MDH1: variants seen among roughly 807,000 people sequenced by gnomAD.
The protein encoded by MDH1 is malate dehydrogenase, cytoplasmic.
In MDH1, 15 loss-of-function variants were observed where a neutral mutation model predicts 38.7. That is an observed-to-expected ratio of 0.39 (90% CI 0.26 to 0.60). MDH1 has a LOEUF of 0.60. Among genes scored for constraint, MDH1 ranks in the 20% least tolerant of loss-of-function variants. MDH1 has a pLI of 0.56. For synonymous variants in MDH1, 144 were observed against 143.6 expected (o/e 1.00, Z -0.02); for missense variants, 368 against 405.2 (o/e 0.91, Z 0.79).
At chr2:63,589,185 C>G (rs1300673838) in intron 1 of MDH1, 139 bp downstream of exon 1, 16 of 1,604,232 alleles carry the variant, frequency 1.0e-5, no homozygotes, top group Non-Finnish European at 1.4e-5. Flanking sequence ...GACTCATCTT[C>G]TGGGGATTGC....
chr2:63,596,190 T>C (rs527355018), intron 3 of MDH1, among the ~76,000 whole-genome samples: 1 of 152,352 alleles, frequency 6.6e-6, no homozygotes, highest in African/African-American at 2.4e-5. Context: ...TCTTCAGCTA[T>C]TTCTTCATCA....
intron 8 of MDH1, 64 bp downstream of exon 8, chr2:63,606,092 G>A: frequency 7.0e-7 from 1 of 1,436,470 alleles, no homozygotes; most frequent in Non-Finnish European, 9.8e-7. Flanking sequence ...CTTAAGAATG[G>A]TATTATTGGC....
At chr2:63,605,858 T>C in intron 7 of MDH1, 81 bp from the exon 8 acceptor site, 5 of 1,122,836 alleles carry the variant, frequency 4.5e-6, no homozygotes, top group Middle Eastern at 3.9e-4. Context: ...TAAGAAAGGG[T>C]CACCTGGTTT....
intron 5 of MDH1, among the ~76,000 whole-genome samples, chr2:63,604,138 G>A (rs1318510737): frequency 6.6e-6 from 1 of 152,084 alleles, no homozygotes; most frequent in Non-Finnish European, 1.5e-5. Flanking sequence ...CTTTCCTTCA[G>A]TTTCCTGATA....
intron 6 of MDH1, 68 bp from the exon 7 acceptor site, chr2:63,605,212 T>G (rs1709503511): frequency 1.9e-6 from 2 of 1,058,886 alleles, no homozygotes; most frequent in Admixed American, 3.9e-5. Flanking sequence ...CAAGGTCGAC[T>G]TGGAATTAAT....
In MDH1 at chr2:63,594,029, G is replaced by A. The variant is rs561756672; in HGVS notation, c.4-459G>A. Among the ~76,000 whole-genome samples the A allele has an allele frequency of 5.3e-5, 8 of 152,266 alleles. No individual in the cohort carries two copies. The South Asian group carries it at 6.2e-4, about 12-fold the overall frequency. On this transcript the variant is annotated intron_variant, in intron 1 of 8. Coordinates refer to ENST00000233114, the MANE Select transcript of MDH1 (RefSeq NM_005917.4). ...CCTCCTCCAGACAAAGTTGAAGCAC[G>A]ATTAATTGTCTTATTTAAATGTTTT... is the stretch of plus-strand genomic sequence containing the variant.
chr2:63,607,049 A>C lies in MDH1; in HGVS notation c.*62A>C, dbSNP rs905605420. The C allele has an allele frequency of 2.7e-6, 4 of 1,468,344 alleles. No individual in the cohort carries two copies. The highest frequency in any genetic ancestry group is 3.7e-6 in the Non-Finnish European group (4 of 1,081,604). 91.0% of individuals were successfully genotyped at this position (1,468,344 alleles called of 1,614,324 possible). A position where few individuals can be genotyped will look rare whatever the true frequency, so the allele number is the denominator to read the frequency against. On this transcript the variant is annotated 3_prime_UTR_variant, in exon 9 of 9. Transcript: ENST00000233114. ...GAATCTAAATGTCGTCTTTGACTCA[A>C]GTACCAAATAATAATAATGCTATAC...
chr2:63,591,686 T>C (rs1447482269), intron 1 of MDH1, among the ~76,000 whole-genome samples: 1 of 152,228 alleles, frequency 6.6e-6, no homozygotes, highest in Non-Finnish European at 1.5e-5. Flanking sequence ...ACAAATACTT[T>C]TTGTGGAAAT....
chr2:63,594,510 T>G lies in MDH1; in HGVS notation c.26T>G (p.Val9Gly). The G allele has an allele frequency of 6.2e-7, 1 of 1,613,864 alleles. No individual in the cohort carries two copies. Among genetic ancestry groups the G allele is most frequent in the Non-Finnish European group, 8.5e-7 (1 of 1,179,766 alleles). The change falls in exon 2 of 9, where the codon GTG (valine) becomes GGG (glycine). Residue 9 changes from valine to glycine, a missense_variant. Coordinates refer to ENST00000233114, the MANE Select transcript of MDH1 (RefSeq NM_005917.4). ...CAGTCTGAACCAATCAGAGTCCTTGTGACTGGAGCAGCTGGTCAAATTGCA... is the reference window on the plus strand; with the variant it reads ...CAGTCTGAACCAATCAGAGTCCTTGGGACTGGAGCAGCTGGTCAAATTGCA... MSEPIRVL[V>G]TGAAGQIAYS...
Position 63,602,934 on chromosome 2 carries a change from C to CTTTTTTTTTTTT in MDH1, c.499-1730_499-1719dup, listed in dbSNP as rs370479356. 1.2e-3 allele frequency among the ~76,000 whole-genome samples: 164 copies of CTTTTTTTTTTTT among 131,534 alleles called. 13 individuals are homozygous for CTTTTTTTTTTTT. Among genetic ancestry groups the CTTTTTTTTTTTT allele is most frequent in the Non-Finnish European group, 2.1e-3 (126 of 59,556 alleles). The allele number at this position is 131,534 out of a possible 152,430, so 86.3% of individuals were successfully genotyped here. On this transcript the variant is annotated intron_variant, in intron 5 of 8. Coordinates refer to ENST00000233114, the MANE Select transcript of MDH1 (RefSeq NM_005917.4). The stretch of plus-strand genomic sequence containing the variant: ...ACATAATACAGTTTATTTAACCGTT[C>CTTTTTTTTTTTT]TTTTTTTTTTTTTTTTTTTTTTTTT...
At chr2:63,597,600 T>C in intron 4 of MDH1, 26 bp downstream of exon 4, 2 of 1,334,578 alleles carry the variant, frequency 1.5e-6, no homozygotes, top group Non-Finnish European at 1.9e-6. Flanking sequence ...TTTTATGGGA[T>C]TTTTCATTAT....
At chr2:63,593,746 AT>A (rs1709247634) in intron 1 of MDH1, 1 of 464,880 alleles carries the variant, frequency 2.2e-6, no homozygotes, top group Non-Finnish European at 4.5e-6. Context: ...TCTAAACATT[AT>A]TGTTTTGTTC....
At chr2:63,597,666 T>C in intron 4 of MDH1, 92 bp downstream of exon 4, 1 of 1,156,750 alleles carries the variant, frequency 8.6e-7, no homozygotes, top group South Asian at 3.6e-5. Flanking sequence ...TATTTGCCCT[T>C]TTTTCTAGTT....
chr2:63,605,806 C>T, intron 7 of MDH1, 133 bp from the exon 8 acceptor site: 1 of 751,788 alleles, frequency 1.3e-6, no homozygotes, highest in South Asian at 1.6e-5. Flanking sequence ...GTACCTGGTG[C>T]TGATGATAGT....
intron 1 of MDH1, among the ~76,000 whole-genome samples, chr2:63,591,513 C>T (rs1709201184): frequency 6.6e-6 from 1 of 152,200 alleles, no homozygotes; most frequent in Non-Finnish European, 1.5e-5. Context: ...TAAGTAGCTA[C>T]TAAAATTGAC....
intron 5 of MDH1, among the ~76,000 whole-genome samples, chr2:63,600,977 A>C (rs1575724562): frequency 6.6e-6 from 1 of 152,226 alleles, no homozygotes; most frequent in African/African-American, 2.4e-5. Context: ...GGAGACAGGC[A>C]TTGGAAAATT....
At chr2:63,596,471 T>G (rs1469902037) in intron 3 of MDH1, among the ~76,000 whole-genome samples, 1 of 152,222 alleles carries the variant, frequency 6.6e-6, no homozygotes, top group Non-Finnish European at 1.5e-5. Context: ...TTGTATTCCT[T>G]TCTCTGCTGA....
At chr2:63,599,458 G>C in intron 5 of MDH1, 166 bp downstream of exon 5, 1 of 601,824 alleles carries the variant, frequency 1.7e-6, no homozygotes, top group Non-Finnish European at 2.6e-6. Context: ...TTGTTAGGGA[G>C]TCTTTAAATG....
rs771717832 is a variant in MDH1 at position 63,605,381 on chromosome 2, T to G, written c.777T>G (p.Phe259Leu). ...GTGACCACGTCAGGGACATCTGGTT[T>G]GGAACCCCAGAGGTAAGGATTTAGT... is the stretch of plus-strand genomic sequence containing the variant. ...AICDHVRDIW[F>L]GTPEGEFVSM... The change falls in exon 7 of 9, where the codon TTT becomes TTG. Residue 259 changes from phenylalanine to leucine, a missense_variant. By Grantham distance (22) the Phe-to-Leu change is conservative. Coordinates refer to ENST00000233114, the MANE Select transcript of MDH1 (RefSeq NM_005917.4). The G allele has an allele frequency of 1.1e-5, 17 of 1,612,988 alleles. No individual in the cohort carries two copies. In the South Asian group the frequency reaches 1.9e-4, roughly 18 times the overall value.
Sources: allele counts gnomAD v4.1 joint callset (sites outside exome capture counted in the v4.1 genomes callset), GRCh38; gene constraint gnomAD v4.1.1; transcripts MANE v1.5; gene names NCBI Gene and HGNC (gene_info 2026-07-23, HGNC 2026-07-21).